Variants in PTPRD observed in about 807,000 individuals in gnomAD.
PTPRD encodes the protein receptor-type tyrosine-protein phosphatase delta.
A neutral mutation model predicts 214.5 loss-of-function variants in PTPRD; 34 were observed. The ratio of observed to expected loss-of-function variants is 0.16; its 90% confidence interval spans 0.12 to 0.21. PTPRD has a LOEUF of 0.21. Among genes scored for constraint, PTPRD ranks in the 10% least tolerant of loss-of-function variants. PTPRD has a pLI of 1.00. For missense variants in PTPRD, 2,545 were observed against 2,398.7 expected (o/e 1.06, Z -1.27); for synonymous variants, 1,128 against 845.7 (o/e 1.33, Z -5.79).
At chr9:9,363,660 C>T (rs1340042310) in intron 9 of PTPRD, among the ~76,000 whole-genome samples, 5 of 151,228 alleles carry the variant, frequency 3.3e-5, no homozygotes, top group African/African-American at 1.2e-4. Context: ...GGCACATAGG[C>T]AGTGTGTGGG....
intron 9 of PTPRD, among the ~76,000 whole-genome samples, chr9:9,245,624 TG>T (rs1429005710): frequency 1.4e-5 from 2 of 140,790 alleles, no homozygotes; most frequent in East Asian, 2.1e-4. Flanking sequence ...TGTTGTGGGG[TG>T]GGGGGATGGG....
chr9:10,247,847 G>A lies in PTPRD; in HGVS notation c.-545+93116C>T, dbSNP rs776005188. ...AGGTGGCAATGGGAAGTAACGCAGT[G>A]ATATGGTTTGTCTCTGTGTCCCCAC... On this transcript the variant is annotated intron_variant, in intron 3 of 45. Coordinates refer to ENST00000381196, the MANE Select transcript of PTPRD (RefSeq NM_002839.4). Among the ~76,000 whole-genome samples, 3 of 152,138 alleles carry A rather than the reference G, an allele frequency of 2.0e-5. No homozygotes were observed. The East Asian group carries it at 5.8e-4, about 29-fold the overall frequency.
intron 8 of PTPRD, among the ~76,000 whole-genome samples, chr9:9,510,799 A>C (rs976235468): frequency 6.6e-6 from 1 of 151,722 alleles, no homozygotes; most frequent in African/African-American, 2.4e-5. Context: ...GTGGCAAAAC[A>C]TATTTTTTCA....
rs549918366 is a variant in PTPRD at position 9,716,633 on chromosome 9, T to G, written c.-287+17900A>C. 9.8e-4 allele frequency among the ~76,000 whole-genome samples: 150 copies of G among 152,358 alleles called. 1 individual carries two copies. Among genetic ancestry groups the G allele is most frequent in the African/African-American group, 3.4e-3 (143 of 41,592 alleles). The stretch of plus-strand genomic sequence containing the variant: ...TGGTGAGCATTTTTTCATGTGTTTT[T>G]TGGCTGCATAAATGTCTTCTTTAGA... On this transcript the variant is annotated intron_variant, in intron 7 of 45. Coordinates refer to ENST00000381196, the MANE Select transcript of PTPRD (RefSeq NM_002839.4).
intron 9 of PTPRD, among the ~76,000 whole-genome samples, chr9:9,335,629 A>G (rs1200875099): frequency 6.6e-6 from 1 of 152,090 alleles, no homozygotes; most frequent in Non-Finnish European, 1.5e-5. Flanking sequence ...ATAATATGCT[A>G]TTTTGACCAA....
intron 11 of PTPRD, among the ~76,000 whole-genome samples, chr9:8,785,201 T>C (rs1218282286): frequency 6.6e-6 from 1 of 151,934 alleles, no homozygotes; most frequent in Non-Finnish European, 1.5e-5. Context: ...AACACATATT[T>C]AAAAGAGACT....
intron 14 of PTPRD, among the ~76,000 whole-genome samples, chr9:8,620,963 TTA>T (rs1379559480): frequency 6.6e-6 from 1 of 152,008 alleles, no homozygotes; most frequent in African/African-American, 2.4e-5. Flanking sequence ...CTAGATATTA[TTA>T]AGTCTAAAGC....
At chr9:10,500,877 A>C (rs2043466521) in intron 2 of PTPRD, among the ~76,000 whole-genome samples, 1 of 151,796 alleles carries the variant, frequency 6.6e-6, no homozygotes, top group Non-Finnish European at 1.5e-5. Context: ...GACCGACAGA[A>C]TATCATTTTG....
Position 10,053,028 on chromosome 9 carries a change from T to C in PTPRD, c.-544-19238A>G, listed in dbSNP as rs557409974. Among the ~76,000 whole-genome samples the C allele has an allele frequency of 3.3e-5, 5 of 152,298 alleles. No individual in the cohort carries two copies. In the East Asian group the frequency reaches 5.8e-4, roughly 18 times the overall value. ...TAATGTAAGATGTGCATAATGCATA[T>C]AATGAACAAACATATATGTCATATT... On this transcript the variant is annotated intron_variant, in intron 3 of 45. Transcript: ENST00000381196.
chr9:9,320,093 T>C (rs1201734155), intron 9 of PTPRD, among the ~76,000 whole-genome samples: 1 of 152,174 alleles, frequency 6.6e-6, no homozygotes, highest in African/African-American at 2.4e-5. Context: ...AATGTTTTAT[T>C]TGAAACAGAA....
intron 3 of PTPRD, among the ~76,000 whole-genome samples, chr9:10,110,978 G>T (rs569130258): frequency 6.6e-6 from 1 of 152,168 alleles, no homozygotes; most frequent in Non-Finnish European, 1.5e-5. Flanking sequence ...TTTTTGATTT[G>T]GGGATAAAAT....
intron 28 of PTPRD, chr9:8,485,530 TTG>T: frequency 3.2e-6 from 2 of 622,832 alleles, no homozygotes; most frequent in Non-Finnish European, 5.5e-6. Context: ...GCCAACTCTA[TTG>T]TGTTTTCCTT....
At chr9:9,061,028 A>G (rs1569519590) in intron 10 of PTPRD, among the ~76,000 whole-genome samples, 2 of 152,192 alleles carry the variant, frequency 1.3e-5, no homozygotes. Context: ...CTTCATTTCT[A>G]TACATTTCAA....
At chr9:9,559,782 T>C (rs1306961292) in intron 8 of PTPRD, among the ~76,000 whole-genome samples, 1 of 152,188 alleles carries the variant, frequency 6.6e-6, no homozygotes. Flanking sequence ...TGACAGACCG[T>C]ACAGCTGCCA....
chr9:8,748,581 G>GT (rs1398665941), intron 11 of PTPRD, among the ~76,000 whole-genome samples: 11 of 145,814 alleles, frequency 7.5e-5, no homozygotes, highest in Admixed American at 1.4e-4. Flanking sequence ...ACTTCTTCCC[G>GT]TAATTGTCAC....
At chr9:8,769,760 G>C (rs770448050) in intron 11 of PTPRD, among the ~76,000 whole-genome samples, 4 of 151,684 alleles carry the variant, frequency 2.6e-5, no homozygotes, top group Non-Finnish European at 4.4e-5. Context: ...AAAACAAAGA[G>C]GGGAGGGAGA....
chr9:8,384,601 C>CA (rs993878689), intron 37 of PTPRD, among the ~76,000 whole-genome samples: 64 of 152,230 alleles, frequency 4.2e-4, no homozygotes, highest in African/African-American at 1.5e-3. Flanking sequence ...AATCTTGGCC[C>CA]ACCACAACCT....
intron 9 of PTPRD, among the ~76,000 whole-genome samples, chr9:9,310,106 T>C (rs1318028078): frequency 6.6e-6 from 1 of 152,154 alleles, no homozygotes; most frequent in East Asian, 1.9e-4. Flanking sequence ...TCCCTGCAGA[T>C]CTCATTTTTT....
Position 8,743,116 on chromosome 9 carries a change from G to GC in PTPRD, c.-103-9171_-103-9170insG, listed in dbSNP as rs527448093. Among the ~76,000 whole-genome samples, 6 of 145,326 alleles carry GC rather than the reference G, an allele frequency of 4.1e-5. No individual in the cohort carries two copies. The East Asian group carries it at 8.5e-4, about 21-fold the overall frequency. On this transcript the variant is annotated intron_variant, in intron 11 of 45. Coordinates refer to ENST00000381196, the MANE Select transcript of PTPRD (RefSeq NM_002839.4). ...AAAAATTCCAAATTAAAAAAAAAAG[G>GC]GGGGGGGGACTTTTAAGACATAATC... is the stretch of plus-strand genomic sequence containing the variant.
Sources: allele counts gnomAD v4.1 joint callset (sites outside exome capture counted in the v4.1 genomes callset), GRCh38; gene constraint gnomAD v4.1.1; transcripts MANE v1.5; gene names NCBI Gene and HGNC (gene_info 2026-07-23, HGNC 2026-07-21).